Variants in PALM2AKAP2 observed in about 807,000 individuals in gnomAD.
PALM2AKAP2 encodes PALM2 and AKAP2 fusion, also known as PALM2-AKAP2 fusion protein.
Under a neutral mutation model 71.5 loss-of-function variants are expected in PALM2AKAP2, and 37 were observed. The ratio of observed to expected loss-of-function variants is 0.52; its 90% confidence interval spans 0.40 to 0.68. The LOEUF is 0.68. Ranked by LOEUF, PALM2AKAP2 falls within the 30% of genes least tolerant of loss-of-function variation. The pLI is 0.00. For missense variants in PALM2AKAP2, 1,224 were observed against 1,191.8 expected, an observed-to-expected ratio of 1.03 and a Z score of -0.40; for synonymous variants, 468 against 478.8, an observed-to-expected ratio of 0.98 and a Z score of 0.29.
chr9:109,869,628 T>C (rs1398178768), intron 2 of PALM2AKAP2, among the ~76,000 whole-genome samples: 1 of 152,018 alleles, frequency 6.6e-6, no homozygotes, highest in Non-Finnish European at 1.5e-5. Context: ...TCATTTTTCG[T>C]CTATGCATCC....
At chr9:110,107,747 A>G (rs1282200111) in intron 1 of PALM2AKAP2, among the ~76,000 whole-genome samples, 1 of 151,930 alleles carries the variant, frequency 6.6e-6, no homozygotes, top group East Asian at 1.9e-4. Flanking sequence ...TTGTATTTTT[A>G]GTAGAGACGA....
At chr9:109,726,977 T>C (rs989648577) in intron 1 of PALM2AKAP2, among the ~76,000 whole-genome samples, 1 of 152,192 alleles carries the variant, frequency 6.6e-6, no homozygotes, top group Admixed American at 6.5e-5. Flanking sequence ...TAGAGGGATC[T>C]TGAGATTTCA....
At chr9:109,768,780 T>C (rs1483098645) in intron 1 of PALM2AKAP2, among the ~76,000 whole-genome samples, 1 of 152,204 alleles carries the variant, frequency 6.6e-6, no homozygotes, top group Non-Finnish European at 1.5e-5. Context: ...GTAAAGCACT[T>C]TGAATGAATT....
chr9:110,092,098 G>A (rs1034464742), intron 1 of PALM2AKAP2, among the ~76,000 whole-genome samples: 2 of 152,276 alleles, frequency 1.3e-5, no homozygotes, highest in African/African-American at 2.4e-5. Flanking sequence ...TTGTGAAGCC[G>A]AGGCGGGAGG....
chr9:109,682,759 G>A lies in PALM2AKAP2; in HGVS notation c.5+41893G>A, dbSNP rs191730977. Reference sequence around the variant, plus strand: ...TTGCACCAAGTGGAGAGATAACGTCGTTGGCGAAGCATCCTTTCCTCTCCT... The same window carrying A: ...TTGCACCAAGTGGAGAGATAACGTCATTGGCGAAGCATCCTTTCCTCTCCT... On this transcript the variant is annotated intron_variant, in intron 1 of 6. Transcript: ENST00000374531. Among the ~76,000 whole-genome samples, 181 of 152,282 alleles carry A rather than the reference G, an allele frequency of 1.2e-3. 1 individual carries two copies. Among genetic ancestry groups the A allele is most frequent in the African/African-American group, 4.1e-3 (169 of 41,554 alleles).
intron 1 of PALM2AKAP2, among the ~76,000 whole-genome samples, chr9:110,104,595 G>C (rs1332208974): frequency 6.6e-6 from 1 of 152,168 alleles, no homozygotes. Flanking sequence ...GGGATCAGCA[G>C]AATGGGCCAA....
At chr9:109,747,894 C>T (rs1828827819) in intron 1 of PALM2AKAP2, among the ~76,000 whole-genome samples, 1 of 152,188 alleles carries the variant, frequency 6.6e-6, no homozygotes, top group Admixed American at 6.5e-5. Flanking sequence ...TGGTCTTGAA[C>T]TCCTGAGCTG....
intron 6 of PALM2AKAP2, among the ~76,000 whole-genome samples, chr9:110,015,392 A>G (rs949821429): frequency 2.6e-5 from 4 of 152,190 alleles, no homozygotes; most frequent in Non-Finnish European, 5.9e-5. Context: ...GGAGGTCAGG[A>G]GTTCGAGACC....
intron 1 of PALM2AKAP2, among the ~76,000 whole-genome samples, chr9:109,814,897 G>A (rs964406998): frequency 6.6e-6 from 1 of 152,188 alleles, no homozygotes; most frequent in Non-Finnish European, 1.5e-5. Flanking sequence ...GTAGAGTTTG[G>A]ATTTTATCCT....
At chr9:110,086,690 G>A (rs16914784) in intron 1 of PALM2AKAP2, among the ~76,000 whole-genome samples, 25,311 of 152,084 alleles carry the variant, frequency 0.17, 2,685 homozygotes, top group African/African-American at 0.3. Context: ...GGCCCAGTTG[G>A]CACCATCAGG....
intron 3 of PALM2AKAP2, among the ~76,000 whole-genome samples, chr9:110,167,195 C>T (rs1374848623): frequency 1.3e-5 from 2 of 152,196 alleles, no homozygotes; most frequent in African/African-American, 4.8e-5. Context: ...ATGGGAGCTA[C>T]AATTCAAGAT....
intron 1 of PALM2AKAP2, among the ~76,000 whole-genome samples, chr9:109,660,127 C>G (rs1362646017): frequency 1.3e-5 from 2 of 152,136 alleles, no homozygotes; most frequent in African/African-American, 4.8e-5. Context: ...AGCTACTGCA[C>G]CTGACCCAAA....
intron 1 of PALM2AKAP2, among the ~76,000 whole-genome samples, chr9:109,787,374 A>G (rs890345631): frequency 1.3e-5 from 2 of 152,364 alleles, no homozygotes; most frequent in Non-Finnish European, 2.9e-5. Flanking sequence ...CAGAAAGTGA[A>G]CACAAAGAGT....
intron 6 of PALM2AKAP2, among the ~76,000 whole-genome samples, chr9:109,952,838 C>T (rs1351955326): frequency 6.6e-6 from 1 of 152,176 alleles, no homozygotes; most frequent in African/African-American, 2.4e-5. Flanking sequence ...AATGTAGGAG[C>T]ATATGGAAAG....
At chr9:109,988,210 G>A (rs1380795358) in intron 6 of PALM2AKAP2, among the ~76,000 whole-genome samples, 1 of 152,090 alleles carries the variant, frequency 6.6e-6, no homozygotes, top group African/African-American at 2.4e-5. Context: ...AAATTTGAAG[G>A]GTCCTTGTAT....
intron 1 of PALM2AKAP2, among the ~76,000 whole-genome samples, chr9:109,718,068 G>C (rs746437048): frequency 6.6e-6 from 1 of 151,822 alleles, no homozygotes; most frequent in African/African-American, 2.4e-5. Flanking sequence ...CTTATTTTTC[G>C]TTTCTTTCTT....
chr9:109,724,983 T>C (rs1828455525), intron 1 of PALM2AKAP2, among the ~76,000 whole-genome samples: 1 of 152,120 alleles, frequency 6.6e-6, no homozygotes, highest in Non-Finnish European at 1.5e-5. Context: ...ATCAATAAAA[T>C]ATGAACACCT....
intron 2 of PALM2AKAP2, among the ~76,000 whole-genome samples, chr9:110,144,746 C>T (rs1836121594): frequency 6.6e-6 from 1 of 152,148 alleles, no homozygotes. Context: ...TTCATGTCAG[C>T]TCATGTCAGG....
At chr9:110,045,622 C>T (rs1833582691), upstream of PALM2AKAP2, among the ~76,000 whole-genome samples, 1 of 151,936 alleles carries the variant, frequency 6.6e-6, no homozygotes, top group Non-Finnish European at 1.5e-5. Context: ...GGCTGGAGTG[C>T]AGTGGTGCAA....
Sources: gnomAD v4.1 joint callset for allele counts (sites outside exome capture counted in the v4.1 genomes callset) on GRCh38, gnomAD v4.1.1 for gene constraint, MANE v1.5 for transcripts, NCBI Gene and HGNC (gene_info 2026-07-23, HGNC 2026-07-21) for gene names.